The following SPAG9 variants were observed in gnomAD, a reference collection of about 807,000 sequenced individuals.
The protein encoded by SPAG9 is C-Jun-amino-terminal kinase-interacting protein 4.
In SPAG9, 35 loss-of-function variants were observed where a neutral mutation model predicts 166.5. The ratio of observed to expected loss-of-function variants is 0.21; its 90% CI spans 0.16 to 0.28. SPAG9 has a LOEUF of 0.28. SPAG9 is among the 10% of genes least tolerant of loss of function. The probability of loss-of-function intolerance (pLI) is 1.00; values close to 1 mark genes in which losing one functional copy is unlikely to be tolerated. For missense variants in SPAG9, 1,235 were observed against 1,603.3 expected (o/e 0.77, Z 3.92); for synonymous variants, 534 against 565.5 (o/e 0.94, Z 0.79).
rs1190483182 is a variant in SPAG9 at position 51,012,548 on chromosome 17, CAA to C, written c.1213+1682_1213+1683del. On this transcript the variant is annotated intron_variant, in intron 9 of 29. Transcript: ENST00000262013. Reference sequence around the variant, plus strand: ...TCGCACCACGGCACTCCAGCCTGGGCAAAAGAGTGAGACTATGTCTCAAAAAA... The same window carrying C: ...TCGCACCACGGCACTCCAGCCTGGGCAAGAGTGAGACTATGTCTCAAAAAA... 1.1e-3 allele frequency among the ~76,000 whole-genome samples: 156 copies of C among 148,348 alleles called. 1 individual carries two copies. Among genetic ancestry groups the C allele is most frequent in the African/African-American group, 3.5e-3 (143 of 40,318 alleles).
chr17:50,971,095 T>G (rs1001346593), intron 28 of SPAG9, among the ~76,000 whole-genome samples: 3 of 152,108 alleles, frequency 2.0e-5, no homozygotes, highest in African/African-American at 7.2e-5. Flanking sequence ...GGAGAATCAC[T>G]TGAGGCCAGG....
chr17:51,102,674 T>C (rs1006146153), intron 1 of SPAG9, among the ~76,000 whole-genome samples: 7 of 151,960 alleles, frequency 4.6e-5, no homozygotes, highest in African/African-American at 1.7e-4. Flanking sequence ...GGCTAATTTT[T>C]TGTATTTTTA....
At chr17:51,072,341 G>A (rs2047843938) in intron 2 of SPAG9, among the ~76,000 whole-genome samples, 1 of 149,460 alleles carries the variant, frequency 6.7e-6, no homozygotes, top group Non-Finnish European at 1.5e-5. Context: ...CAAAGTGCTG[G>A]GATTACAGGC....
intron 2 of SPAG9, among the ~76,000 whole-genome samples, chr17:51,070,396 A>G (rs1351983988): frequency 1.3e-5 from 2 of 152,246 alleles, no homozygotes; most frequent in Non-Finnish European, 1.5e-5. Flanking sequence ...TTCTATTGAC[A>G]TTAGAAATGG....
At chr17:51,094,003 G>A (rs1292035202) in intron 1 of SPAG9, among the ~76,000 whole-genome samples, 1 of 152,130 alleles carries the variant, frequency 6.6e-6, no homozygotes, top group Admixed American at 6.6e-5. Flanking sequence ...ATTACATGAA[G>A]GTCTAAAGTC....
chr17:50,993,467 T>C (rs1328696298), intron 19 of SPAG9, among the ~76,000 whole-genome samples: 1 of 152,226 alleles, frequency 6.6e-6, no homozygotes, highest in Non-Finnish European at 1.5e-5. Context: ...TGTTTTAACA[T>C]CACATAATGT....
chr17:51,051,012 GGAA>G (rs2047165521), intron 3 of SPAG9, among the ~76,000 whole-genome samples: 1 of 139,178 alleles, frequency 7.2e-6, no homozygotes, highest in Non-Finnish European at 1.6e-5. Flanking sequence ...AGAAAAGAAA[GGAA>G]GAAAGAGAAT....
At chr17:51,067,000 C>T (rs887150622) in intron 2 of SPAG9, among the ~76,000 whole-genome samples, 6 of 152,078 alleles carry the variant, frequency 3.9e-5, no homozygotes, top group African/African-American at 1.4e-4. Context: ...TGAACAGAAA[C>T]TGTTTTATGA....
chr17:51,051,593 G>A (rs559511035), intron 3 of SPAG9, among the ~76,000 whole-genome samples: 161 of 152,244 alleles, frequency 1.1e-3, no homozygotes, highest in African/African-American at 3.7e-3. Context: ...GGTGGCATGT[G>A]CCTATAGTCC....
chr17:50,988,950 G>A (rs530808378), intron 21 of SPAG9, among the ~76,000 whole-genome samples: 1 of 152,184 alleles, frequency 6.6e-6, no homozygotes, highest in South Asian at 2.1e-4. Context: ...TTTAAACAAT[G>A]GCCAATTTTG....
At chr17:51,060,909 C>T (rs1229256972) in intron 2 of SPAG9, among the ~76,000 whole-genome samples, 2 of 148,076 alleles carry the variant, frequency 1.4e-5, no homozygotes. Context: ...TGCAATGGTG[C>T]GATCTCAGCT....
intron 2 of SPAG9, among the ~76,000 whole-genome samples, chr17:51,060,504 TTAA>T (rs2047478137): frequency 2.2e-5 from 3 of 138,042 alleles, no homozygotes; most frequent in Non-Finnish European, 3.0e-5. Flanking sequence ...CTTTGTCTTT[TTAA>T]AAAAAAAAAA....
chr17:51,008,773 AG>A (rs1015266436), intron 9 of SPAG9, among the ~76,000 whole-genome samples: 1 of 152,166 alleles, frequency 6.6e-6, no homozygotes, highest in Non-Finnish European at 1.5e-5. Context: ...ACAAAATAAA[AG>A]TCCCAAAAAA....
chr17:51,080,536 T>C (rs928337734), intron 1 of SPAG9, among the ~76,000 whole-genome samples: 2 of 152,160 alleles, frequency 1.3e-5, no homozygotes, highest in African/African-American at 4.8e-5. Context: ...CAGACCTGAA[T>C]TCCAGATTTG....
chr17:51,004,683 T>G (rs2045119900), intron 12 of SPAG9, among the ~76,000 whole-genome samples: 1 of 151,980 alleles, frequency 6.6e-6, no homozygotes, highest in Admixed American at 6.6e-5. Flanking sequence ...TGAGCTGAGA[T>G]CGCAGAACTG....
chr17:51,089,729 G>A (rs2144683442), intron 1 of SPAG9, among the ~76,000 whole-genome samples: 1 of 144,616 alleles, frequency 6.9e-6, no homozygotes, highest in African/African-American at 2.5e-5. Flanking sequence ...AGGCTGGAGT[G>A]CAGTGGCATG....
At chr17:51,077,405 A>G (rs567358478) in intron 2 of SPAG9, among the ~76,000 whole-genome samples, 7 of 152,032 alleles carry the variant, frequency 4.6e-5, no homozygotes, top group African/African-American at 1.4e-4. Context: ...TACAGGTGTG[A>G]CCCACCGTGC....
intron 9 of SPAG9, among the ~76,000 whole-genome samples, chr17:51,013,901 TACACACACACACACACATACACAC>T (rs1448352568): frequency 1.3e-5 from 2 of 151,064 alleles, no homozygotes; most frequent in African/African-American, 4.9e-5. Context: ...CACATACACA[TACACACACACACACACATACACAC>T]ACACACATCA....
At chr17:51,097,849 T>C (rs2048688225) in intron 1 of SPAG9, among the ~76,000 whole-genome samples, 1 of 152,136 alleles carries the variant, frequency 6.6e-6, no homozygotes, top group African/African-American at 2.4e-5. Context: ...TGGGTTGGAG[T>C]GCAGGTGACA....
Sources: gnomAD v4.1 joint callset for allele counts (sites outside exome capture counted in the v4.1 genomes callset) on GRCh38, gnomAD v4.1.1 for gene constraint, MANE v1.5 for transcripts, NCBI Gene and HGNC (gene_info 2026-07-23, HGNC 2026-07-21) for gene names.